TMEM132B: variants seen among roughly 807,000 people sequenced by gnomAD.
TMEM132B encodes the protein transmembrane protein 132B.
A neutral mutation model predicts 90.8 loss-of-function variants in TMEM132B; 18 were observed. That is an observed-to-expected ratio of 0.20 (90% CI 0.14 to 0.29). The LOEUF (loss-of-function observed/expected upper bound fraction) is 0.29. TMEM132B is among the 10% of genes least tolerant of loss of function. The probability of loss-of-function intolerance (pLI) is 1.00; values close to 1 mark genes in which losing one functional copy is unlikely to be tolerated. For synonymous variants in TMEM132B, 504 were observed against 523.3 expected (o/e 0.96, Z 0.50); for missense variants, 1,096 against 1,326.8 (o/e 0.83, Z 2.70).
intron 1 of TMEM132B, among the ~76,000 whole-genome samples, chr12:125,285,051 A>G (rs1875310704): frequency 6.6e-6 from 1 of 152,234 alleles, no homozygotes; most frequent in Non-Finnish European, 1.5e-5. Context: ...AAAGGTTTGT[A>G]TTCTCCCAGG....
At chr12:125,464,229 A>G (rs1333442133) in intron 3 of TMEM132B, among the ~76,000 whole-genome samples, 1 of 152,188 alleles carries the variant, frequency 6.6e-6, no homozygotes, top group African/African-American at 2.4e-5. Context: ...TTCTTGGAGC[A>G]GAATATCAGT....
At chr12:125,194,947 C>T (rs777485121) in intron 1 of TMEM132B, among the ~76,000 whole-genome samples, 28 of 152,046 alleles carry the variant, frequency 1.8e-4, no homozygotes, top group Non-Finnish European at 2.9e-4. Context: ...TATTAGTTGC[C>T]GACATTTAAA....
chr12:125,228,469 C>G (rs1164442016), intron 1 of TMEM132B, among the ~76,000 whole-genome samples: 1 of 152,184 alleles, frequency 6.6e-6, no homozygotes, highest in African/African-American at 2.4e-5. Flanking sequence ...AAGAGTCGAA[C>G]AATTTGGGTT....
intron 1 of TMEM132B, among the ~76,000 whole-genome samples, chr12:125,317,716 G>A (rs1876322541): frequency 6.6e-6 from 1 of 152,134 alleles, no homozygotes; most frequent in South Asian, 2.1e-4. Flanking sequence ...ACATTCTGGG[G>A]CTGCCAGAAG....
At chr12:125,307,824 GTA>G (rs1593078060) in intron 1 of TMEM132B, among the ~76,000 whole-genome samples, 1 of 13,858 alleles carries the variant, frequency 7.2e-5, no homozygotes, top group African/African-American at 4.6e-4. Context: ...ATACTTATAA[GTA>G]TATATACTTA....
chr12:125,466,180 G>A (rs1881558186), intron 3 of TMEM132B, among the ~76,000 whole-genome samples: 2 of 152,146 alleles, frequency 1.3e-5, no homozygotes, highest in African/African-American at 4.8e-5. Context: ...TAGATTTTTA[G>A]CAGCATCTCC....
intron 1 of TMEM132B, among the ~76,000 whole-genome samples, chr12:125,326,137 A>G (rs1245456313): frequency 6.6e-6 from 1 of 152,176 alleles, no homozygotes; most frequent in Non-Finnish European, 1.5e-5. Context: ...CTCTCCCTTA[A>G]TGGCCGGCAC....
chr12:125,338,050 T>C (rs1877034077), intron 1 of TMEM132B, among the ~76,000 whole-genome samples: 1 of 152,370 alleles, frequency 6.6e-6, no homozygotes, highest in South Asian at 2.1e-4. Context: ...CTTCCCTTTT[T>C]CACATTTTAA....
intron 5 of TMEM132B, among the ~76,000 whole-genome samples, chr12:125,611,966 C>T (rs1414038661): frequency 1.3e-5 from 2 of 152,076 alleles, no homozygotes; most frequent in Non-Finnish European, 2.9e-5. Flanking sequence ...TGTTGATCTT[C>T]TTTCTAGTTG....
At chr12:125,278,477 CT>C (rs35950577) in intron 1 of TMEM132B, among the ~76,000 whole-genome samples, 4,786 of 141,416 alleles carry the variant, frequency 0.034, 95 homozygotes, top group African/African-American at 0.064. Flanking sequence ...GAATCTCCAT[CT>C]TTTTTTTTTT....
chr12:125,414,538 G>T (rs940850700), intron 2 of TMEM132B, among the ~76,000 whole-genome samples: 1 of 152,092 alleles, frequency 6.6e-6, no homozygotes, highest in East Asian at 1.9e-4. Flanking sequence ...GGCCTTTCTT[G>T]TGGGTCCACA....
At chr12:125,571,763 A>G (rs1201993233) in intron 4 of TMEM132B, among the ~76,000 whole-genome samples, 1 of 152,218 alleles carries the variant, frequency 6.6e-6, no homozygotes, top group Admixed American at 6.5e-5. Flanking sequence ...TACACACATG[A>G]TGATCCTTTT....
rs551075936 is a variant in TMEM132B at position 125,654,008 on chromosome 12, C to T, written c.2550C>T (p.Asn850=). The stretch of plus-strand genomic sequence containing the variant: ...CTGTTGGCCAAGAGGAAAGTACCAA[C>T]AAAAGCACAACCCCCCAGTCTCCCA... ...GTPVGQEEST[N]KSTTPQSPME... Residue 850 remains asparagine, a synonymous_variant, in exon 9 of 9, where the codon AAC becomes AAT. Transcript: ENST00000682704. This position sits in a 1 kb window ranked among gnomAD's most constrained non-coding sequence, Gnocchi z 5.8. The T allele has an allele frequency of 1.2e-6, 2 of 1,614,168 alleles. No individual in the cohort carries two copies. The highest frequency in any genetic ancestry group is 1.1e-5 in the South Asian group (1 of 91,082).
intron 4 of TMEM132B, among the ~76,000 whole-genome samples, chr12:125,555,192 G>A (rs1166419980): frequency 6.6e-6 from 1 of 152,154 alleles, no homozygotes; most frequent in African/African-American, 2.4e-5. Flanking sequence ...TTTGGGGGTT[G>A]ATGTTACTTA....
chr12:125,286,066 T>G (rs1043612796), intron 1 of TMEM132B, among the ~76,000 whole-genome samples: 1 of 152,234 alleles, frequency 6.6e-6, no homozygotes, highest in Non-Finnish European at 1.5e-5. Flanking sequence ...CATATGTTTA[T>G]CGAGGTCACC....
rs1417061440 is a variant in TMEM132B, at chr12:125,451,622, G to A, written c.1106+35945G>A. 7.6e-5 allele frequency among the ~76,000 whole-genome samples: 10 copies of A among 130,770 alleles called. No homozygotes were observed. In the East Asian group the frequency reaches 2.4e-3, roughly 31 times the overall value. 85.8% of individuals were successfully genotyped at this position (130,770 alleles called of 152,430 possible). A position where few individuals can be genotyped will look rare whatever the true frequency, so the allele number is the denominator to read the frequency against. Reference sequence around the variant, plus strand: ...CATTCCCCTGTGGGTCCAGTTCTGTGGTCTACTGTTTTTTTTTTTTTTACT... The same window carrying A: ...CATTCCCCTGTGGGTCCAGTTCTGTAGTCTACTGTTTTTTTTTTTTTTACT... On this transcript the variant is annotated intron_variant, in intron 3 of 8. Coordinates refer to ENST00000682704, the MANE Select transcript of TMEM132B (RefSeq NM_001366854.1).
intron 3 of TMEM132B, among the ~76,000 whole-genome samples, chr12:125,489,786 T>C (rs141016547): frequency 1.2e-3 from 187 of 152,292 alleles, no homozygotes; most frequent in African/African-American, 4.4e-3. Flanking sequence ...TAATATCACA[T>C]TAAATATTTT....
At chr12:125,284,320 T>G (rs1040790021) in intron 1 of TMEM132B, among the ~76,000 whole-genome samples, 2 of 152,210 alleles carry the variant, frequency 1.3e-5, no homozygotes, top group Non-Finnish European at 2.9e-5. Flanking sequence ...TTTCTATGCA[T>G]GTATGAGCCA....
intron 3 of TMEM132B, among the ~76,000 whole-genome samples, chr12:125,449,717 C>T (rs1881100474): frequency 6.6e-6 from 1 of 151,558 alleles, no homozygotes; most frequent in Non-Finnish European, 1.5e-5. Context: ...ATTTACTTCT[C>T]ACAGTTCCAG....
Sources: allele counts gnomAD v4.1 joint callset (sites outside exome capture counted in the v4.1 genomes callset), GRCh38; gene constraint gnomAD v4.1.1; non-coding constraint Gnocchi (gnomAD v3.1); transcripts MANE v1.5; gene names NCBI Gene and HGNC (gene_info 2026-07-23, HGNC 2026-07-21).